CNTLN: variants seen among roughly 807,000 people sequenced by gnomAD.
The protein encoded by CNTLN is centlein, centrosomal protein.
A neutral mutation model predicts 180.0 loss-of-function variants in CNTLN; 212 were observed. The observed-to-expected ratio is 1.18, with a 90% CI of 1.05 to 1.32. The LOEUF is 1.32. Among genes scored for constraint, CNTLN ranks in the 40% most tolerant of loss-of-function variants. The pLI is 0.00. For missense variants in CNTLN, 2,095 were observed against 1,610.9 expected (o/e 1.30, Z -5.14); for synonymous variants, 722 against 563.1 (o/e 1.28, Z -3.99).
intron 5 of CNTLN, among the ~76,000 whole-genome samples, chr9:17,262,298 T>G (rs189609460): frequency 6.6e-6 from 1 of 151,364 alleles, no homozygotes; most frequent in East Asian, 1.9e-4. Context: ...CAGCACTATG[T>G]ACAATAGCAA....
intron 2 of CNTLN, among the ~76,000 whole-genome samples, chr9:17,203,768 A>G (rs555979878): frequency 2.0e-5 from 3 of 152,286 alleles, no homozygotes; most frequent in South Asian, 4.1e-4. Flanking sequence ...CACGTTAGCC[A>G]GGATGGTCTT....
rs541182882 is a variant in CNTLN at position 17,387,323 on chromosome 9, T to C, written c.1988-839T>C. Among the ~76,000 whole-genome samples the C allele has an allele frequency of 5.0e-4, 76 of 152,328 alleles. 1 individual carries two copies. The highest frequency in any genetic ancestry group is 1.7e-3 in the African/African-American group (70 of 41,580). ...TCCTTTTAGTTTTATATATTCTTTT[T>C]TGTCCCCTTTTTATTCCTTAAGAAA... On this transcript the variant is annotated intron_variant, in intron 13 of 25. Transcript: ENST00000380647.
At chr9:17,141,026 G>A (rs1482427423) in intron 1 of CNTLN, among the ~76,000 whole-genome samples, 2 of 152,148 alleles carry the variant, frequency 1.3e-5, no homozygotes, top group East Asian at 3.9e-4. Context: ...AGCAGCAACA[G>A]ACTGGGAAGA....
chr9:17,410,426 A>G (rs976997732), intron 16 of CNTLN, among the ~76,000 whole-genome samples: 1 of 152,062 alleles, frequency 6.6e-6, no homozygotes, highest in Non-Finnish European at 1.5e-5. Context: ...ATTTTTATAT[A>G]TGCTATATAT....
chr9:17,500,088 C>G (rs969705131), intron 25 of CNTLN, among the ~76,000 whole-genome samples: 2 of 152,126 alleles, frequency 1.3e-5, no homozygotes, highest in African/African-American at 4.8e-5. Context: ...TACACATACT[C>G]TGCATTTTGA....
intron 18 of CNTLN, among the ~76,000 whole-genome samples, chr9:17,425,777 A>C (rs1564096003): frequency 6.6e-6 from 1 of 152,112 alleles, no homozygotes; most frequent in East Asian, 1.9e-4. Flanking sequence ...ATTGTGTTCT[A>C]GTGTTTTGTA....
chr9:17,330,484 A>G (rs1820570844), intron 8 of CNTLN, 148 bp from the exon 9 acceptor site: 3 of 446,674 alleles, frequency 6.7e-6, no homozygotes, highest in Admixed American at 4.2e-5. Flanking sequence ...GAAAAGGTTC[A>G]GCTCCTGCTA....
At chr9:17,459,782 TTTTTA>T (rs1200336590) in intron 19 of CNTLN, among the ~76,000 whole-genome samples, 1 of 151,698 alleles carries the variant, frequency 6.6e-6, no homozygotes, top group Non-Finnish European at 1.5e-5. Flanking sequence ...CTAATTTCCC[TTTTTA>T]TAAAGGCACC....
intron 5 of CNTLN, among the ~76,000 whole-genome samples, chr9:17,263,513 G>A (rs1455532432): frequency 6.6e-6 from 1 of 151,662 alleles, no homozygotes; most frequent in Non-Finnish European, 1.5e-5. Flanking sequence ...ATGTGTGCAT[G>A]TGTCTTTATA....
At position 17,224,868 on chromosome 9, in the gene CNTLN, G is replaced by A. The variant is rs555016815; in HGVS notation, c.450-1335G>A. The stretch of plus-strand genomic sequence containing the variant: ...TCTTTTGACTTGAACTAGTATGTCA[G>A]TGTATGGGGATTCATGTATTTTGAA... On this transcript the variant is annotated intron_variant, in intron 2 of 25. Transcript: ENST00000380647. 5.3e-5 allele frequency among the ~76,000 whole-genome samples: 8 copies of A among 151,940 alleles called. No homozygotes were observed. In the South Asian group the frequency reaches 1.7e-3, roughly 32 times the overall value.
chr9:17,164,007 A>G (rs1029346957), intron 2 of CNTLN, among the ~76,000 whole-genome samples: 1 of 151,436 alleles, frequency 6.6e-6, no homozygotes, highest in Non-Finnish European at 1.5e-5. Context: ...CAACAGAGCA[A>G]GACTCTGCCT....
rs761885379 is a variant in CNTLN at position 17,388,185 on chromosome 9, G to A, written c.2011G>A (p.Asp671Asn). 2.6e-5 allele frequency: 42 copies of A among 1,611,378 alleles called. No individual in the cohort carries two copies. In the African/African-American group the frequency reaches 4.5e-4, roughly 17 times the overall value. ...AGAACAGCTCTTTAGATCTGGTGAA[G>A]ATGATGAGGTCAAGAGGAGTACTCC... ...REEQLFRSGE[D>N]DEVKRSTPEK... Residue 671 changes from aspartate to asparagine, a missense_variant, in exon 14 of 26, where the codon GAT (aspartate) becomes AAT (asparagine). By Grantham distance (23) the Asp-to-Asn change is conservative. Transcript: ENST00000380647.
the CNTLN span, among the ~76,000 whole-genome samples, chr9:17,518,112 A>G: frequency 8.6e-6 from 1 of 116,910 alleles, no homozygotes; most frequent in East Asian, 2.9e-4. Flanking sequence ...GCATGATCTG[A>G]TCTCGGCTCA....
chr9:17,152,662 G>T (rs1422110157), intron 2 of CNTLN, among the ~76,000 whole-genome samples: 1 of 152,156 alleles, frequency 6.6e-6, no homozygotes, highest in Non-Finnish European at 1.5e-5. Flanking sequence ...GAGTTCTGTA[G>T]ATGTCTATTA....
intron 13 of CNTLN, among the ~76,000 whole-genome samples, chr9:17,382,104 A>C (rs563575630): frequency 3.4e-4 from 52 of 152,346 alleles, no homozygotes; most frequent in African/African-American, 9.9e-4. Context: ...GCCAGTGAAC[A>C]AAAGTATGCT....
intron 5 of CNTLN, among the ~76,000 whole-genome samples, chr9:17,241,070 G>C (rs954188336): frequency 6.6e-6 from 1 of 152,130 alleles, no homozygotes; most frequent in Non-Finnish European, 1.5e-5. Flanking sequence ...GTGTTAGCCA[G>C]GATGGTCTCG....
intron 5 of CNTLN, among the ~76,000 whole-genome samples, chr9:17,268,660 A>C (rs10962983): frequency 0.2 from 29,861 of 152,022 alleles, 3,589 homozygotes; most frequent in African/African-American, 0.33. Flanking sequence ...AGAGGCAGGC[A>C]GGCCTCCTTG....
chr9:17,394,049 A>T (rs559896110), intron 14 of CNTLN, among the ~76,000 whole-genome samples: 1 of 152,298 alleles, frequency 6.6e-6, no homozygotes, highest in East Asian at 1.9e-4. Context: ...TGAGGACCAC[A>T]TGACTACTAA....
chr9:17,397,588 T>C (rs1587881399), intron 15 of CNTLN, among the ~76,000 whole-genome samples: 1 of 152,118 alleles, frequency 6.6e-6, no homozygotes, highest in Non-Finnish European at 1.5e-5. Context: ...ATCAGCAAGG[T>C]CTTTATGACC....
Sources: allele counts gnomAD v4.1 joint callset (sites outside exome capture counted in the v4.1 genomes callset), GRCh38; gene constraint gnomAD v4.1.1; transcripts MANE v1.5; gene names NCBI Gene and HGNC (gene_info 2026-07-23, HGNC 2026-07-21).